Variants in RHOT1 observed in about 807,000 individuals in gnomAD.
The protein encoded by RHOT1 is ras homolog family member T1.
RHOT1 carries 27 observed loss-of-function variants against 95.3 expected under a neutral mutation model. The ratio of observed to expected loss-of-function variants is 0.28; its 90% CI spans 0.21 to 0.39. The LOEUF is 0.39. Ranked by LOEUF, RHOT1 falls within the 10% of genes least tolerant of loss-of-function variation. The probability of loss-of-function intolerance (pLI) is 1.00; values close to 1 mark genes in which losing one functional copy is unlikely to be tolerated. For synonymous variants in RHOT1, 227 were observed against 263.5 expected (o/e 0.86, Z 1.34); for missense variants, 578 against 786.7 (o/e 0.73, Z 3.17).
At chr17:32,150,410 A>G (rs1352137233) in intron 1 of RHOT1, 2 of 528,652 alleles carry the variant, frequency 3.8e-6, no homozygotes, top group African/African-American at 2.0e-5. Context: ...TAAATGGTCC[A>G]TATTTATTAG....
chr17:32,152,615 G>T (rs1349818021), intron 1 of RHOT1, among the ~76,000 whole-genome samples: 1 of 151,584 alleles, frequency 6.6e-6, no homozygotes, highest in Non-Finnish European at 1.5e-5. Context: ...AGAGAGAGAT[G>T]AGGAAGAATG....
intron 8 of RHOT1, among the ~76,000 whole-genome samples, chr17:32,191,429 A>G (rs1052838773): frequency 1.3e-5 from 2 of 152,196 alleles, no homozygotes; most frequent in African/African-American, 4.8e-5. Context: ...CAAAAGTCAG[A>G]GCTCTCCTTG....
At chr17:32,165,294 G>A (rs1036351860) in intron 1 of RHOT1, among the ~76,000 whole-genome samples, 12 of 130,820 alleles carry the variant, frequency 9.2e-5, no homozygotes, top group Admixed American at 1.9e-4. Flanking sequence ...CCGAAATCGC[G>A]CCACTGCACT....
intron 1 of RHOT1, chr17:32,151,319 G>A: frequency 3.1e-6 from 2 of 635,542 alleles, no homozygotes; most frequent in Non-Finnish European, 6.0e-6. Flanking sequence ...GGCTAAGGTG[G>A]GAGGATCACT....
At chr17:32,142,945 C>T in intron 1 of RHOT1, 2 of 716,136 alleles carry the variant, frequency 2.8e-6, no homozygotes, top group East Asian at 5.4e-5. Context: ...GTCACCTCAC[C>T]TGGGCCCTCC....
At chr17:32,195,091 C>T (rs1448758587) in intron 11 of RHOT1, among the ~76,000 whole-genome samples, 1 of 151,460 alleles carries the variant, frequency 6.6e-6, no homozygotes, top group Non-Finnish European at 1.5e-5. Context: ...TCCCAAAGTG[C>T]TGGGATTACA....
At position 32,202,776 on chromosome 17, in the gene RHOT1, G is replaced by A; in HGVS notation, c.1208G>A (p.Arg403Lys). ...ESQASAVTVT[R>K]DKKIDLQKKQ... ...TTATTATTATTATTTTTAGTGACAA[G>A]AGATAAAAAGATAGACCTGCAGAAA... The change falls in exon 15 of 20, where the codon AGA becomes AAA. Residue 403 changes from arginine (R) to lysine (K), a missense_variant. Arg to Lys is a conservative substitution (Grantham distance 26). Transcript: ENST00000545287. The A allele has an allele frequency of 6.4e-7, 1 of 1,574,186 alleles. No individual in the cohort carries two copies. Among genetic ancestry groups the A allele is most frequent in the Non-Finnish European group, 8.7e-7 (1 of 1,155,056 alleles).
At chr17:32,167,417 C>T (rs541230354) in intron 1 of RHOT1, among the ~76,000 whole-genome samples, 62 of 152,074 alleles carry the variant, frequency 4.1e-4, no homozygotes, top group Non-Finnish European at 7.8e-4. Context: ...AGCTCCGCCT[C>T]CCGGGTTCAC....
intron 19 of RHOT1, among the ~76,000 whole-genome samples, chr17:32,218,568 G>A (rs2038632600): frequency 6.6e-6 from 1 of 151,502 alleles, no homozygotes; most frequent in Non-Finnish European, 1.5e-5. Context: ...AGCACTTTTG[G>A]AGATCGAGAC....
chr17:32,165,842 C>T (rs577349432), intron 1 of RHOT1, among the ~76,000 whole-genome samples: 1 of 152,106 alleles, frequency 6.6e-6, no homozygotes, highest in Admixed American at 6.5e-5. Context: ...TCTACACTAC[C>T]ACAGTAAAGT....
chr17:32,155,134 T>G (rs2032812846), intron 1 of RHOT1, among the ~76,000 whole-genome samples: 1 of 152,098 alleles, frequency 6.6e-6, no homozygotes, highest in Non-Finnish European at 1.5e-5. Context: ...AGGGACTGTC[T>G]TTCTGTGTTG....
intron 2 of RHOT1, among the ~76,000 whole-genome samples, chr17:32,173,300 G>A (rs2034725485): frequency 6.6e-6 from 1 of 152,112 alleles, no homozygotes; most frequent in Non-Finnish European, 1.5e-5. Flanking sequence ...TCAGATTTTG[G>A]AATGTTTGCA....
intron 1 of RHOT1, among the ~76,000 whole-genome samples, chr17:32,149,193 A>C (rs971767260): frequency 6.6e-6 from 1 of 152,116 alleles, no homozygotes; most frequent in Non-Finnish European, 1.5e-5. Flanking sequence ...TGTTTGTATC[A>C]AATGTATTTA....
At chr17:32,212,533 T>TC (rs1431771908) in intron 19 of RHOT1, among the ~76,000 whole-genome samples, 1 of 152,186 alleles carries the variant, frequency 6.6e-6, no homozygotes, top group Non-Finnish European at 1.5e-5. Flanking sequence ...GTGTTGGGAA[T>TC]CGTTGAGTTG....
chr17:32,172,608 G>A (rs532269691), intron 2 of RHOT1, among the ~76,000 whole-genome samples: 6 of 152,322 alleles, frequency 3.9e-5, no homozygotes, highest in Non-Finnish European at 7.4e-5. Context: ...TGAGGTGGCC[G>A]GATCACTTGA....
intron 8 of RHOT1, among the ~76,000 whole-genome samples, chr17:32,185,605 A>T (rs1029010146): frequency 2.0e-5 from 3 of 149,918 alleles, no homozygotes; most frequent in Non-Finnish European, 4.4e-5. Context: ...ATGGGGTTTC[A>T]CCATGTTGCC....
rs1402092428 is a variant in RHOT1, at chr17:32,183,289, A to G, written c.540+17A>G. On this transcript the variant is annotated intron_variant, in intron 8 of 19. Coordinates refer to ENST00000545287, the MANE Select transcript of RHOT1 (RefSeq NM_001033566.3). ...GAGAAGGAGGTAACAGGCTGTGTTT[A>G]TAGGGGCTGGAATGTGTATGTAGTA... 1.4e-6 allele frequency: 2 copies of G among 1,383,736 alleles called. No individual in the cohort carries two copies. The highest frequency in any genetic ancestry group is 2.6e-5 in the Admixed American group (1 of 38,776). 85.7% of individuals were successfully genotyped at this position (1,383,736 alleles called of 1,614,324 possible). A position where few individuals can be genotyped will look rare whatever the true frequency, so the allele number is the denominator to read the frequency against.
chr17:32,212,378 T>C (rs894356480), intron 19 of RHOT1, among the ~76,000 whole-genome samples: 1 of 152,234 alleles, frequency 6.6e-6, no homozygotes, highest in East Asian at 1.9e-4. Flanking sequence ...GTGACTGCTT[T>C]GAAGGGATCA....
At chr17:32,152,785 T>C (rs1162331561) in intron 1 of RHOT1, among the ~76,000 whole-genome samples, 1 of 152,124 alleles carries the variant, frequency 6.6e-6, no homozygotes, top group African/African-American at 2.4e-5. Context: ...TGGCTTAATT[T>C]TGATCACATT....
Sources: allele counts gnomAD v4.1 joint callset (sites outside exome capture counted in the v4.1 genomes callset), GRCh38; gene constraint gnomAD v4.1.1; transcripts MANE v1.5; gene names NCBI Gene and HGNC (gene_info 2026-07-23, HGNC 2026-07-21).